GLS: variants seen among roughly 807,000 people sequenced by gnomAD.
GLS encodes glutaminase kidney isoform, mitochondrial.
A neutral mutation model predicts 86.7 loss-of-function variants in GLS; 36 were observed. That is an observed-to-expected ratio of 0.42 (90% CI 0.32 to 0.55). GLS has a LOEUF of 0.55. Ranked by LOEUF, GLS falls within the 20% of genes least tolerant of loss-of-function variation. GLS has a pLI of 0.17. For missense variants in GLS, 528 were observed against 833.4 expected (o/e 0.63, Z 4.51); for synonymous variants, 317 against 305.9 (o/e 1.04, Z -0.38).
Position 190,953,317 on chromosome 2 carries a change from GAT to G in GLS, c.1651-245_1651-244del, listed in dbSNP as rs1428877254. Among the ~76,000 whole-genome samples, 3 of 152,310 alleles carry G rather than the reference GAT, an allele frequency of 2.0e-5. No individual in the cohort carries two copies. Among genetic ancestry groups the G allele is most frequent in the African/African-American group, 7.2e-5 (3 of 41,580 alleles). On this transcript the variant is annotated intron_variant, in intron 14 of 17. Coordinates refer to ENST00000320717, the MANE Select transcript of GLS (RefSeq NM_014905.5). This position sits in a 1 kb window ranked among gnomAD's most constrained non-coding sequence, Gnocchi z 4.0. ...AAAATTCCATTCTCTTCTGCCAAGT[GAT>G]ATTATTCCATTCCTTCCCTTGTGTA...
At position 190,895,311 on chromosome 2, in the gene GLS, T is replaced by C. The variant is rs1311821934; in HGVS notation, c.483+63T>C. The C allele has an allele frequency of 1.5e-6, 1 of 674,042 alleles. No individual in the cohort carries two copies. The allele number at this position is 674,042 out of a possible 1,614,324, so 41.8% of individuals were successfully genotyped here. ...TCAATAATAATAAATATATACAGTA[T>C]TATTGAAATATAGTCTTAAAGGTCG... On this transcript the variant is annotated intron_variant, in intron 2 of 17. Coordinates refer to ENST00000320717, the MANE Select transcript of GLS (RefSeq NM_014905.5). This position sits in a 1 kb window ranked among gnomAD's most constrained non-coding sequence, Gnocchi z 4.2.
chr2:190,942,327 G>T (rs527519617), intron 14 of GLS, among the ~76,000 whole-genome samples: 19 of 151,958 alleles, frequency 1.3e-4, no homozygotes, highest in Non-Finnish European at 2.2e-4. Context: ...TGATCCGCCC[G>T]CCTCGGTCTC....
intron 5 of GLS, 141 bp downstream of exon 5, chr2:190,902,167 T>C: frequency 1.8e-6 from 1 of 545,790 alleles, no homozygotes; most frequent in Non-Finnish European, 3.3e-6. Flanking sequence ...TAAATTTAAA[T>C]TTTAATGTAA....
intron 1 of GLS, among the ~76,000 whole-genome samples, chr2:190,884,182 C>T (rs1021530454): frequency 7.9e-5 from 12 of 152,124 alleles, no homozygotes; most frequent in African/African-American, 2.7e-4. Flanking sequence ...GGGTAAAAAC[C>T]CTGAGGCTGA....
At position 190,889,347 on chromosome 2, in the gene GLS, A is replaced by G. The variant is rs189096807; in HGVS notation, c.387-5805A>G. Among the ~76,000 whole-genome samples the G allele has an allele frequency of 9.5e-4, 145 of 152,264 alleles. 1 individual carries two copies. Among genetic ancestry groups the G allele is most frequent in the Non-Finnish European group, 1.7e-3 (113 of 68,014 alleles). On this transcript the variant is annotated intron_variant, in intron 1 of 17. Coordinates refer to ENST00000320717, the MANE Select transcript of GLS (RefSeq NM_014905.5). ...CTGCTGCTTTCTTCTCTTCTGTTACATACTCCCTATAGGTTGTTGTTATTC... is the reference window on the plus strand; with the variant it reads ...CTGCTGCTTTCTTCTCTTCTGTTACGTACTCCCTATAGGTTGTTGTTATTC...
chr2:190,912,346 C>CTTT (rs34419675), intron 7 of GLS, among the ~76,000 whole-genome samples: 1,282 of 122,466 alleles, frequency 0.01, 36 homozygotes, highest in South Asian at 0.022. Flanking sequence ...TTCACAAGTG[C>CTTT]TTTTTTTTTT....
At position 190,921,204 on chromosome 2, in the gene GLS, G is replaced by A. The variant is rs755223516; in HGVS notation, c.1130+1G>A. On this transcript the variant is annotated splice_donor_variant, in intron 9 of 17. Transcript: ENST00000320717. LOFTEE classifies it high-confidence loss of function. This position sits in a 1 kb window ranked among gnomAD's most constrained non-coding sequence, Gnocchi z 4.2. ...AATATGTTGGATTCAGTAATGCAACGTGAGTGTTTTAAATACTGTTTTGTT... is the reference window on the plus strand; with the variant it reads ...AATATGTTGGATTCAGTAATGCAACATGAGTGTTTTAAATACTGTTTTGTT... 6 of 1,584,976 alleles carry A rather than the reference G, an allele frequency of 3.8e-6. No individual in the cohort carries two copies. Among genetic ancestry groups the A allele is most frequent in the South Asian group, 1.1e-5 (1 of 90,436 alleles).
chr2:190,913,463 G>A lies in GLS; in HGVS notation c.1038+3142G>A. 1.1e-6 allele frequency: 1 copy of A among 934,276 alleles called. No individual in the cohort carries two copies. The highest frequency in any genetic ancestry group is 1.3e-6 in the Non-Finnish European group (1 of 765,714). 57.9% of individuals were successfully genotyped at this position (934,276 alleles called of 1,614,324 possible). A position where few individuals can be genotyped will look rare whatever the true frequency, so the allele number is the denominator to read the frequency against. On this transcript the variant is annotated intron_variant, in intron 7 of 17. Coordinates refer to ENST00000320717, the MANE Select transcript of GLS (RefSeq NM_014905.5). This position sits in a 1 kb window ranked among gnomAD's most constrained non-coding sequence, Gnocchi z 6.1. ...TATACTTCCTCTCTTTTTCTCTGTG[G>A]TAGCTACTAACTTTAAAGGAATACT...
At chr2:190,893,684 C>T (rs1688637605) in intron 1 of GLS, among the ~76,000 whole-genome samples, 1 of 152,144 alleles carries the variant, frequency 6.6e-6, no homozygotes, top group Non-Finnish European at 1.5e-5. Flanking sequence ...CTCCCGGGTT[C>T]AAGCTATTCT....
chr2:190,886,783 G>A (rs1688394838), intron 1 of GLS, among the ~76,000 whole-genome samples: 1 of 151,948 alleles, frequency 6.6e-6, no homozygotes. Context: ...AGGAGTGGTG[G>A]CGGGCACCTG....
chr2:190,958,479 CTT>C (rs779254949), intron 17 of GLS, among the ~76,000 whole-genome samples: 11 of 152,030 alleles, frequency 7.2e-5, no homozygotes, highest in East Asian at 1.9e-4. Flanking sequence ...TTTGTTTGCT[CTT>C]GTTTCTCTAG....
chr2:190,924,078 C>A lies in GLS; in HGVS notation c.1197+95C>A. 1 of 683,300 alleles carries A rather than the reference C, an allele frequency of 1.5e-6. No homozygotes were observed. Among genetic ancestry groups the A allele is most frequent in the South Asian group, 1.8e-5 (1 of 54,570 alleles). The allele number at this position is 683,300 out of a possible 1,614,324, so 42.3% of individuals were successfully genotyped here. On this transcript the variant is annotated intron_variant, in intron 10 of 17. Transcript: ENST00000320717. This position sits in a 1 kb window ranked among gnomAD's most constrained non-coding sequence, Gnocchi z 5.2. ...GAATTCAACAATAGCCTTTAAGCAACTACCTATTACTATTTAAGGTGCAGA... is the reference window on the plus strand; with the variant it reads ...GAATTCAACAATAGCCTTTAAGCAAATACCTATTACTATTTAAGGTGCAGA...
chr2:190,950,504 T>C (rs142793831), intron 14 of GLS, among the ~76,000 whole-genome samples: 54 of 152,234 alleles, frequency 3.5e-4, no homozygotes, highest in Non-Finnish European at 7.1e-4. Context: ...AGAGAAAGAA[T>C]AGAATCAAGG....
intron 1 of GLS, among the ~76,000 whole-genome samples, chr2:190,887,788 T>A (rs1483446019): frequency 6.6e-6 from 1 of 152,210 alleles, no homozygotes; most frequent in Non-Finnish European, 1.5e-5. Context: ...GAAAAACGCA[T>A]GTTCAACATT....
rs1009716509 is a variant in GLS, at chr2:190,914,670, A to G, written c.1038+4349A>G. 6.6e-6 allele frequency among the ~76,000 whole-genome samples: 1 copy of G among 151,924 alleles called. No individual in the cohort carries two copies. Among genetic ancestry groups the G allele is most frequent in the Non-Finnish European group, 1.5e-5 (1 of 67,956 alleles). ...TTACCTCTTTTTGCCTTTTTCCTCT[A>G]TGATCTCTAATTTTTAATTGGCTTG... On this transcript the variant is annotated intron_variant, in intron 7 of 17. Transcript: ENST00000320717. The surrounding 1 kb of genome is among the most constrained non-coding windows in gnomAD (Gnocchi z 4.4).
chr2:190,932,937 A>T (rs1325870034), intron 14 of GLS: 3 of 1,332,386 alleles, frequency 2.3e-6, no homozygotes, highest in Non-Finnish European at 2.9e-6. Flanking sequence ...TGCAAGTTAT[A>T]AATATTTATT....
At chr2:190,934,518 A>G (rs1236730196) in intron 14 of GLS, 1 of 983,920 alleles carries the variant, frequency 1.0e-6, no homozygotes, top group South Asian at 4.7e-5. Flanking sequence ...GCCTTACTGC[A>G]TATTTGTGTT....
Position 190,913,216 on chromosome 2 carries a change from T to C in GLS, c.1038+2895T>C. The C allele has an allele frequency of 1.5e-6, 2 of 1,301,728 alleles. No homozygotes were observed. The highest frequency in any genetic ancestry group is 1.2e-5 in the South Asian group (1 of 80,972). 80.6% of individuals were successfully genotyped at this position (1,301,728 alleles called of 1,614,324 possible). ...AGGATTGGTGGTGATCCTCAGGAAA[T>C]GGGGGAAGAGGCAGAGCAAATGTTC... On this transcript the variant is annotated intron_variant, in intron 7 of 17. Transcript: ENST00000320717. This position sits in a 1 kb window ranked among gnomAD's most constrained non-coding sequence, Gnocchi z 6.1.
intron 11 of GLS, among the ~76,000 whole-genome samples, chr2:190,925,029 G>T (rs1689854200): frequency 6.6e-6 from 1 of 152,122 alleles, no homozygotes; most frequent in African/African-American, 2.4e-5. Flanking sequence ...TTCATAAAAG[G>T]CAGTCTCATG....
Sources: allele counts gnomAD v4.1 joint callset (sites outside exome capture counted in the v4.1 genomes callset), GRCh38; gene constraint gnomAD v4.1.1; non-coding constraint Gnocchi (gnomAD v3.1); transcripts MANE v1.5; gene names NCBI Gene and HGNC (gene_info 2026-07-23, HGNC 2026-07-21).